KIAA0513: variants seen among roughly 807,000 people sequenced by gnomAD.
The protein encoded by KIAA0513 is uncharacterized protein KIAA0513.
In KIAA0513, 39 loss-of-function variants were observed where a neutral mutation model predicts 56.5. That is an observed-to-expected ratio of 0.69 (90% confidence interval 0.53 to 0.90). KIAA0513 has a LOEUF of 0.90. Among genes scored for constraint, KIAA0513 ranks in the 40% least tolerant of loss-of-function variants. KIAA0513 has a pLI of 0.00. For synonymous variants in KIAA0513, 268 were observed against 215.6 expected, an observed-to-expected ratio of 1.24 and a Z score of -2.13; for missense variants, 591 against 535.2, an observed-to-expected ratio of 1.10 and a Z score of -1.03.
chr16:85,044,748 C>T (rs898625541), intron 1 of KIAA0513, among the ~76,000 whole-genome samples: 4 of 151,942 alleles, frequency 2.6e-5, no homozygotes, highest in Non-Finnish European at 4.4e-5. Flanking sequence ...CCTCATGATC[C>T]GCCTGTCTCA....
At chr16:85,072,269 GAAAC>G (rs1229780466) in intron 3 of KIAA0513, among the ~76,000 whole-genome samples, 4 of 152,126 alleles carry the variant, frequency 2.6e-5, no homozygotes. Context: ...GAAAGAGTAA[GAAAC>G]TGGGCTTTCA....
At chr16:85,087,535 TTCTC>T (rs1185868054) in intron 12 of KIAA0513, among the ~76,000 whole-genome samples, 3 of 152,178 alleles carry the variant, frequency 2.0e-5, no homozygotes, top group Non-Finnish European at 4.4e-5. Flanking sequence ...ATCCTTTTCT[TTCTC>T]AGACCACACT....
At chr16:85,078,384 G>T (rs764554631) in intron 6 of KIAA0513, 31 bp from the exon 7 acceptor site, 4 of 1,613,258 alleles carry the variant, frequency 2.5e-6, no homozygotes, top group African/African-American at 2.7e-5. Context: ...TGTGAGTCGC[G>T]TGTGTCATCA....
intron 1 of KIAA0513, among the ~76,000 whole-genome samples, chr16:85,051,966 T>A (rs1374294626): frequency 6.6e-6 from 1 of 151,952 alleles, no homozygotes. Context: ...CTTTCATGAT[T>A]TTTTAAGTCT....
intron 1 of KIAA0513, among the ~76,000 whole-genome samples, chr16:85,036,231 T>C (rs539642050): frequency 6.6e-6 from 1 of 152,314 alleles, no homozygotes; most frequent in South Asian, 2.1e-4. Context: ...AATTCAGTGA[T>C]TCTTAGTAAC....
At chr16:85,037,756 T>G (rs1162039154) in intron 1 of KIAA0513, among the ~76,000 whole-genome samples, 1 of 152,200 alleles carries the variant, frequency 6.6e-6, no homozygotes, top group Non-Finnish European at 1.5e-5. Context: ...AGCGGTATTC[T>G]ACATAATCAG....
intron 1 of KIAA0513, among the ~76,000 whole-genome samples, chr16:85,028,504 T>C (rs377521307): frequency 6.6e-6 from 1 of 152,026 alleles, no homozygotes; most frequent in East Asian, 1.9e-4. Flanking sequence ...AGGATAGCAA[T>C]GGAAATGCGG....
Position 85,071,814 on chromosome 16 carries a change from TTTGGAGA to T in KIAA0513, c.362_368del (p.Phe121CysfsTer18), listed in dbSNP as rs1434202546. On this transcript the variant is annotated frameshift_variant, in exon 3 of 13. Coordinates refer to ENST00000683363, the MANE Select transcript of KIAA0513 (RefSeq NM_001388359.1). LOFTEE classifies it high-confidence loss of function. Reference sequence around the variant, plus strand: ...CTTGGATCAGGAGGAGAAAGCCAAGTTTGGAGAGTACTGCAGCAGTGAAAATGGAAAA... The same window carrying T: ...CTTGGATCAGGAGGAGAAAGCCAAGTGTACTGCAGCAGTGAAAATGGAAAA... 1 of 1,607,020 alleles carries T rather than the reference TTTGGAGA, an allele frequency of 6.2e-7. No individual in the cohort carries two copies. The highest frequency in any genetic ancestry group is 8.5e-7 in the Non-Finnish European group (1 of 1,178,454).
At chr16:85,061,621 G>T (rs1027602613) in intron 1 of KIAA0513, among the ~76,000 whole-genome samples, 5 of 152,228 alleles carry the variant, frequency 3.3e-5, no homozygotes, top group African/African-American at 7.2e-5. Context: ...GAAAGTTCCA[G>T]ATTCTCCCTG....
At chr16:85,056,573 A>G (rs2073332521) in intron 1 of KIAA0513, among the ~76,000 whole-genome samples, 1 of 152,100 alleles carries the variant, frequency 6.6e-6, no homozygotes, top group East Asian at 1.9e-4. Context: ...CAGTTCCCCA[A>G]GTCTTCCCTG....
At position 85,078,436 on chromosome 16, in the gene KIAA0513, G is replaced by T. The variant is rs776069882; in HGVS notation, c.804G>T (p.Gln268His). The change falls in exon 7 of 13, where the codon CAG becomes CAT. Residue 268 changes from glutamine (Q) to histidine (H), a missense_variant. Transcript: ENST00000683363. The part of the protein sequence containing the change: ...RRNEEDENKP[Q>H]EKRPRAVTAY... ...TCAGGGAAGACGAGAACAAACCCCA[G>T]GAGAAGCGGCCCAGGGCTGGTGAGT... 1 of 1,613,922 alleles carries T rather than the reference G, an allele frequency of 6.2e-7. No individual in the cohort carries two copies. The highest frequency in any genetic ancestry group is 8.5e-7 in the Non-Finnish European group (1 of 1,180,012).
Position 85,069,190 on chromosome 16 carries a change from C to G in KIAA0513, c.329+1790C>G, listed in dbSNP as rs374525978. On this transcript the variant is annotated intron_variant, in intron 2 of 12. Transcript: ENST00000683363. ...GGACTATAGGTACACACCACCATGC[C>G]CAGCTCATTTTTTTGTGTTTTTTTT... 1.0e-3 allele frequency among the ~76,000 whole-genome samples: 152 copies of G among 151,926 alleles called. 1 individual carries two copies. The East Asian group carries it at 0.024, about 24-fold the overall frequency.
intron 1 of KIAA0513, among the ~76,000 whole-genome samples, chr16:85,053,406 G>A (rs2073282448): frequency 6.6e-6 from 1 of 152,184 alleles, no homozygotes; most frequent in East Asian, 1.9e-4. Flanking sequence ...TAAGTTAACT[G>A]TATCTCTTGG....
intron 1 of KIAA0513, among the ~76,000 whole-genome samples, chr16:85,058,318 A>T (rs532961217): frequency 6.6e-6 from 1 of 152,286 alleles, no homozygotes; most frequent in South Asian, 2.1e-4. Context: ...TACCAAATTG[A>T]TTTCATGTAT....
At chr16:85,070,177 AAAAAAAG>A (rs1248015168) in intron 2 of KIAA0513, among the ~76,000 whole-genome samples, 2 of 142,820 alleles carry the variant, frequency 1.4e-5, no homozygotes, top group African/African-American at 2.5e-5. Context: ...TCTCAAAAAA[AAAAAAAG>A]AAAAAAGAAA....
chr16:85,087,066 C>T lies in KIAA0513; in HGVS notation c.1092-6C>T. ...GCGGGTGACGCTCTTGGGGTTTCTCCTGCAGCACATTCACGCACAACATGC... is the reference window on the plus strand; with the variant it reads ...GCGGGTGACGCTCTTGGGGTTTCTCTTGCAGCACATTCACGCACAACATGC... On this transcript the variant is annotated splice_region_variant and splice_polypyrimidine_tract_variant and intron_variant, in intron 11 of 12. Coordinates refer to ENST00000683363, the MANE Select transcript of KIAA0513 (RefSeq NM_001388359.1). 1 of 1,614,060 alleles carries T rather than the reference C, an allele frequency of 6.2e-7. No homozygotes were observed. The highest frequency in any genetic ancestry group is 8.5e-7 in the Non-Finnish European group (1 of 1,179,916).
intron 1 of KIAA0513, among the ~76,000 whole-genome samples, chr16:85,062,671 T>G (rs1243719666): frequency 6.6e-6 from 1 of 152,198 alleles, no homozygotes; most frequent in African/African-American, 2.4e-5. Context: ...GTTGCCAGTG[T>G]TGAAAAATCA....
chr16:85,073,735 C>G (rs1489228962), intron 4 of KIAA0513, among the ~76,000 whole-genome samples: 1 of 152,208 alleles, frequency 6.6e-6, no homozygotes, highest in Non-Finnish European at 1.5e-5. Flanking sequence ...GCTGGGAGCC[C>G]TGATCTGGGC....
At chr16:85,069,559 C>T (rs1247975213) in intron 2 of KIAA0513, among the ~76,000 whole-genome samples, 1 of 152,044 alleles carries the variant, frequency 6.6e-6, no homozygotes, top group Non-Finnish European at 1.5e-5. Context: ...TACCCCGGTT[C>T]ACTGCCTGTT....
Sources: allele counts gnomAD v4.1 joint callset (sites outside exome capture counted in the v4.1 genomes callset), GRCh38; gene constraint gnomAD v4.1.1; transcripts MANE v1.5; gene names NCBI Gene and HGNC (gene_info 2026-07-23, HGNC 2026-07-21).